PHYHIPL: variants seen among roughly 807,000 people sequenced by gnomAD.
The protein encoded by PHYHIPL is phytanoyl-CoA 2-hydroxylase interacting protein like.
A neutral mutation model predicts 33.4 loss-of-function variants in PHYHIPL; 9 were observed. The ratio of observed to expected loss-of-function variants is 0.27; its 90% CI spans 0.16 to 0.47. The LOEUF is 0.47. Ranked by LOEUF, PHYHIPL falls within the 20% of genes least tolerant of loss-of-function variation. The probability of loss-of-function intolerance (pLI) is 0.99; values close to 1 mark genes in which losing one functional copy is unlikely to be tolerated. For missense variants in PHYHIPL, 365 were observed against 460.7 expected, an observed-to-expected ratio of 0.79 and a Z score of 1.90; for synonymous variants, 153 against 154.1, an observed-to-expected ratio of 0.99 and a Z score of 0.05.
chr10:59,220,181 A>G (rs1308247131), intron 1 of PHYHIPL, among the ~76,000 whole-genome samples: 2 of 152,150 alleles, frequency 1.3e-5, no homozygotes, highest in South Asian at 4.1e-4. Flanking sequence ...ATAGTCAACT[A>G]TTAAATAAAT....
chr10:59,182,783 A>G (rs746566847), intron 1 of PHYHIPL, among the ~76,000 whole-genome samples: 1 of 152,166 alleles, frequency 6.6e-6, no homozygotes, highest in Non-Finnish European at 1.5e-5. Context: ...GGGACTGGAA[A>G]TGGTATATAA....
chr10:59,173,921 GTTTTTTTTTTTTTTTTTTTTTTTTT>G (rs368316005), upstream of PHYHIPL, among the ~76,000 whole-genome samples: 19 of 57,560 alleles, frequency 3.3e-4, no homozygotes, highest in South Asian at 6.6e-4. Context: ...TACTTCTGAG[GTTTTTTTTTTTTTTTTTTTTTTTTT>G]TTTTTTTTTT....
At chr10:59,185,057 C>G (rs192052157) in intron 1 of PHYHIPL, among the ~76,000 whole-genome samples, 6,274 of 136,590 alleles carry the variant, frequency 0.046, 391 homozygotes, top group African/African-American at 0.14. Context: ...GTGGCGGGAT[C>G]TCGGCTCACT....
Position 59,247,611 on chromosome 10 carries a change from A to C in PHYHIPL, c.*2020A>C, listed in dbSNP as rs751134078. On this transcript the variant is annotated 3_prime_UTR_variant, in exon 5 of 5. Coordinates refer to ENST00000373880, the MANE Select transcript of PHYHIPL (RefSeq NM_032439.4). ...TGAAAGTGATCATAACATTTCCTGA[A>C]CCTCAAATAGTTTTGGCCACATCTT... The C allele has an allele frequency of 1.9e-6, 3 of 1,613,140 alleles. No individual in the cohort carries two copies. Among genetic ancestry groups the C allele is most frequent in the Non-Finnish European group, 8.5e-7 (1 of 1,179,558 alleles).
At chr10:59,194,506 T>C (rs1265180302) in intron 1 of PHYHIPL, among the ~76,000 whole-genome samples, 1 of 152,194 alleles carries the variant, frequency 6.6e-6, no homozygotes, top group African/African-American at 2.4e-5. Flanking sequence ...AGATAATGTG[T>C]GTGTATTTAT....
rs568757770 is a variant in PHYHIPL at position 59,183,806 on chromosome 10, TGTA to T, written c.106+6850_106+6852del. On this transcript the variant is annotated intron_variant, in intron 1 of 4. Coordinates refer to ENST00000373880, the MANE Select transcript of PHYHIPL (RefSeq NM_032439.4). ...GGGATTGTGCATATACACCATTTGTTGTAGTGGTTGTGGCAACTAGTGTAAATA... is the reference window on the plus strand; with the variant it reads ...GGGATTGTGCATATACACCATTTGTTGTGGTTGTGGCAACTAGTGTAAATA... The T allele has an allele frequency of 2.5e-3, 853 of 347,498 alleles. 7 individuals carry two copies. The highest frequency in any genetic ancestry group is 0.018 in the African/African-American group (808 of 44,722). The allele number at this position is 347,498 out of a possible 1,614,324, so 21.5% of individuals were successfully genotyped here.
chr10:59,230,753 G>C (rs1411553373), intron 1 of PHYHIPL, among the ~76,000 whole-genome samples: 2 of 152,080 alleles, frequency 1.3e-5, no homozygotes, highest in African/African-American at 2.4e-5. Context: ...ATTTTATGGA[G>C]ACATAATTCT....
In PHYHIPL at chr10:59,245,809, T is replaced by C; in HGVS notation, c.*218T>C. The C allele has an allele frequency of 1.9e-6, 1 of 519,756 alleles. No homozygotes were observed. Among genetic ancestry groups the C allele is most frequent in the Non-Finnish European group, 3.3e-6 (1 of 298,548 alleles). 32.2% of individuals were successfully genotyped at this position (519,756 alleles called of 1,614,324 possible). On this transcript the variant is annotated 3_prime_UTR_variant, in exon 5 of 5. Coordinates refer to ENST00000373880, the MANE Select transcript of PHYHIPL (RefSeq NM_032439.4). ...ACTTTCAATGATGAAATACCCTAAG[T>C]TAAGTTCTCCTTTTGACACTTTATT...
chr10:59,200,615 T>A (rs898743478), intron 1 of PHYHIPL, among the ~76,000 whole-genome samples: 10 of 152,182 alleles, frequency 6.6e-5, no homozygotes, highest in Non-Finnish European at 1.5e-4. Context: ...CTGATCGGAA[T>A]AGTTTCAGAA....
At chr10:59,184,984 A>ATTTTTTTTT (rs34336392) in intron 1 of PHYHIPL, among the ~76,000 whole-genome samples, 1 of 92,094 alleles carries the variant, frequency 1.1e-5, no homozygotes, top group Non-Finnish European at 2.0e-5. Context: ...TGAACTCATC[A>ATTTTTTTTT]TTTTTTTTTT....
At chr10:59,174,602 G>A (rs1310509111), upstream of PHYHIPL, among the ~76,000 whole-genome samples, 2 of 152,280 alleles carry the variant, frequency 1.3e-5, no homozygotes, top group East Asian at 1.9e-4. Context: ...TGATTAAGTT[G>A]TATACCCAGA....
chr10:59,176,427 A>G (rs948739727), upstream of PHYHIPL, among the ~76,000 whole-genome samples: 2 of 151,870 alleles, frequency 1.3e-5, no homozygotes, highest in Admixed American at 6.6e-5. Flanking sequence ...CCGACGCCTC[A>G]CGCGCGAGGT....
chr10:59,202,622 C>A (rs903001556), intron 1 of PHYHIPL, among the ~76,000 whole-genome samples: 1 of 152,144 alleles, frequency 6.6e-6, no homozygotes, highest in Non-Finnish European at 1.5e-5. Flanking sequence ...AATAGTATTA[C>A]ATTTTATAAC....
chr10:59,213,212 G>T (rs1368318597), intron 1 of PHYHIPL, among the ~76,000 whole-genome samples: 1 of 151,760 alleles, frequency 6.6e-6, no homozygotes, highest in African/African-American at 2.4e-5. Flanking sequence ...ACTTTCTTCA[G>T]TGCTGCCAGA....
At chr10:59,201,166 A>T (rs539269613) in intron 1 of PHYHIPL, among the ~76,000 whole-genome samples, 7 of 152,200 alleles carry the variant, frequency 4.6e-5, no homozygotes, top group African/African-American at 1.7e-4. Context: ...TCAATTTTAG[A>T]TCTTTCCTGC....
At chr10:59,233,722 CTTAT>C (rs761521392) in intron 1 of PHYHIPL, among the ~76,000 whole-genome samples, 26 of 151,702 alleles carry the variant, frequency 1.7e-4, no homozygotes, top group Non-Finnish European at 2.7e-4. Flanking sequence ...TTCTTTTAGC[CTTAT>C]TTGTTATTTC....
At chr10:59,183,166 C>T (rs1295298469) in intron 1 of PHYHIPL, among the ~76,000 whole-genome samples, 4 of 151,770 alleles carry the variant, frequency 2.6e-5, no homozygotes, top group Non-Finnish European at 4.4e-5. Flanking sequence ...TCTCACTCCT[C>T]AAAGGCTATA....
intron 1 of PHYHIPL, among the ~76,000 whole-genome samples, chr10:59,202,884 A>G (rs1464887294): frequency 6.6e-6 from 1 of 152,168 alleles, no homozygotes; most frequent in African/African-American, 2.4e-5. Flanking sequence ...AAACTGTTTT[A>G]TTAATATATT....
chr10:59,243,975 CAT>C (rs906533882), intron 4 of PHYHIPL, among the ~76,000 whole-genome samples: 1 of 152,136 alleles, frequency 6.6e-6, no homozygotes, highest in African/African-American at 2.4e-5. Context: ...GTCAGAGATA[CAT>C]AGTTATGAAG....
Sources: allele counts gnomAD v4.1 joint callset (sites outside exome capture counted in the v4.1 genomes callset), GRCh38; gene constraint gnomAD v4.1.1; transcripts MANE v1.5; gene names NCBI Gene and HGNC (gene_info 2026-07-23, HGNC 2026-07-21).